Variants in IL1RAPL1 observed in about 807,000 individuals in gnomAD.
IL1RAPL1 encodes the protein interleukin-1 receptor accessory protein-like 1.
A neutral mutation model predicts 48.4 loss-of-function variants in IL1RAPL1; 3 were observed. The observed-to-expected ratio is 0.06, with a 90% confidence interval of 0.03 to 0.16. The LOEUF is 0.16. IL1RAPL1 is among the 10% of genes least tolerant of loss of function. IL1RAPL1 has a pLI of 1.00. For missense variants in IL1RAPL1, 349 were observed against 530.6 expected, an observed-to-expected ratio of 0.66 and a Z score of 3.36; for synonymous variants, 185 against 187.7, an observed-to-expected ratio of 0.99 and a Z score of 0.12.
At chrX:28,932,936 C>G (rs1362119445) in intron 2 of IL1RAPL1, among the ~76,000 whole-genome samples, 1 of 111,299 alleles carries the variant, frequency 9.0e-6, no homozygotes, top group African/African-American at 3.3e-5. Context: ...TCTTACTCTT[C>G]CAATTCTACT....
At chrX:29,894,766 T>C (rs1159795159) in intron 6 of IL1RAPL1, among the ~76,000 whole-genome samples, 2 of 110,101 alleles carry the variant, frequency 1.8e-5, no homozygotes, top group East Asian at 2.8e-4. Flanking sequence ...GGCCTTAAAA[T>C]TGTACACACA....
At chrX:28,600,604 G>C (rs1418357278) in intron 1 of IL1RAPL1, among the ~76,000 whole-genome samples, 7 of 110,798 alleles carry the variant, frequency 6.3e-5, no homozygotes, top group Non-Finnish European at 1.3e-4. Context: ...GGTTGTACAG[G>C]ACCAGGCTAC....
intron 2 of IL1RAPL1, among the ~76,000 whole-genome samples, chrX:29,212,360 G>C (rs1189214896): frequency 1.8e-5 from 2 of 111,315 alleles, no homozygotes; most frequent in African/African-American, 6.5e-5. Context: ...CCAAGCTGGA[G>C]TGCAGTGGCA....
At chrX:29,049,874 C>T (rs1275764585) in intron 2 of IL1RAPL1, among the ~76,000 whole-genome samples, 1 of 112,239 alleles carries the variant, frequency 8.9e-6, no homozygotes, top group Non-Finnish European at 1.9e-5. Flanking sequence ...GTGGTACATT[C>T]GTTAAAACTA....
At chrX:29,368,857 C>T (rs1933505743) in intron 3 of IL1RAPL1, 2 of 111,572 alleles carry the variant, frequency 1.8e-5, no homozygotes, top group Admixed American at 9.7e-5. Context: ...ATGACCACTC[C>T]TTGGAGGTAG....
chrX:29,400,064 T>C (rs1186801809), intron 5 of IL1RAPL1, among the ~76,000 whole-genome samples: 1 of 111,729 alleles, frequency 9.0e-6, no homozygotes, highest in Non-Finnish European at 1.9e-5. Flanking sequence ...CTCATGAACT[T>C]GAAAATAGCA....
intron 1 of IL1RAPL1, among the ~76,000 whole-genome samples, chrX:28,748,233 C>A (rs761967666): frequency 9.0e-6 from 1 of 110,791 alleles, no homozygotes; most frequent in Non-Finnish European, 1.9e-5. Flanking sequence ...TTTTGCTGTC[C>A]GTAAAATCAA....
chrX:28,960,744 C>T (rs908705950), intron 2 of IL1RAPL1, among the ~76,000 whole-genome samples: 17 of 111,194 alleles, frequency 1.5e-4, no homozygotes, highest in Middle Eastern at 4.2e-3. Flanking sequence ...CGCCGTGGCT[C>T]ACGCCTGTAA....
intron 5 of IL1RAPL1, among the ~76,000 whole-genome samples, chrX:29,596,858 G>T (rs1923565700): frequency 1.8e-5 from 2 of 111,727 alleles, no homozygotes; most frequent in African/African-American, 6.5e-5. Context: ...TATTATGTTG[G>T]CTGTAGCTTT....
Position 28,794,196 on chromosome X carries a change from T to C in IL1RAPL1, c.82+4771T>C, listed in dbSNP as rs183461386. Among the ~76,000 whole-genome samples the C allele has an allele frequency of 1.8e-4, 20 of 111,504 alleles. No individual in the cohort carries two copies. In the East Asian group the frequency reaches 3.7e-3, roughly 20 times the overall value. On this transcript the variant is annotated intron_variant, in intron 2 of 10. Coordinates refer to ENST00000378993, the MANE Select transcript of IL1RAPL1 (RefSeq NM_014271.4). Reference sequence around the variant, plus strand: ...GCAATATCTAGGACATAATAAGGGTTTAGATGAAGACAATGAACCTTTACA... The same window carrying C: ...GCAATATCTAGGACATAATAAGGGTCTAGATGAAGACAATGAACCTTTACA...
intron 2 of IL1RAPL1, among the ~76,000 whole-genome samples, chrX:28,860,164 GA>G (rs1488840646): frequency 9.0e-6 from 1 of 111,400 alleles, no homozygotes; most frequent in East Asian, 2.8e-4. Context: ...TTGTAATGCA[GA>G]AAAAAATAAT....
chrX:29,949,551 A>G (rs767016959), intron 9 of IL1RAPL1, among the ~76,000 whole-genome samples: 1 of 112,389 alleles, frequency 8.9e-6, no homozygotes, highest in South Asian at 3.7e-4. Context: ...GAACAGAATT[A>G]TAGTTGATGC....
chrX:29,339,251 A>G (rs1160944724), intron 3 of IL1RAPL1, among the ~76,000 whole-genome samples: 2 of 112,037 alleles, frequency 1.8e-5, no homozygotes, highest in Admixed American at 9.5e-5. Flanking sequence ...CATTTTGGCT[A>G]TTTGCTGTCA....
At chrX:29,797,223 CCT>C (rs1929761961) in intron 6 of IL1RAPL1, among the ~76,000 whole-genome samples, 1 of 112,427 alleles carries the variant, frequency 8.9e-6, no homozygotes, top group Non-Finnish European at 1.9e-5. Flanking sequence ...ACTCTACTTG[CCT>C]TGGCACATGG....
intron 2 of IL1RAPL1, among the ~76,000 whole-genome samples, chrX:28,928,553 C>T (rs1391498335): frequency 8.9e-6 from 1 of 111,927 alleles, no homozygotes; most frequent in Non-Finnish European, 1.9e-5. Flanking sequence ...CAGGCCAACT[C>T]CTACATTAGC....
Position 29,432,306 on chromosome X carries a change from C to T in IL1RAPL1, c.703+32998C>T, listed in dbSNP as rs1000826057. ...TTCTTTCAGTCTCTTGCCAGTTTTA[C>T]ACCCCAGAAATGTCTTTCCCAAAGA... is the stretch of plus-strand genomic sequence containing the variant. On this transcript the variant is annotated intron_variant, in intron 5 of 10. Coordinates refer to ENST00000378993, the MANE Select transcript of IL1RAPL1 (RefSeq NM_014271.4). Among the ~76,000 whole-genome samples the T allele has an allele frequency of 2.7e-5, 3 of 111,557 alleles. No individual in the cohort carries two copies. In the Admixed American group the frequency reaches 2.9e-4, roughly 11 times the overall value.
chrX:29,083,341 A>G (rs755731723), intron 2 of IL1RAPL1, among the ~76,000 whole-genome samples: 40 of 112,036 alleles, frequency 3.6e-4, no homozygotes, highest in Middle Eastern at 4.7e-3. Context: ...TATGATATTA[A>G]AAGGGTCAGC....
At chrX:29,350,680 C>T (rs1228131804) in intron 3 of IL1RAPL1, among the ~76,000 whole-genome samples, 1 of 108,264 alleles carries the variant, frequency 9.2e-6, no homozygotes, top group Non-Finnish European at 1.9e-5. Flanking sequence ...TACATGGCGC[C>T]CTGAGCTGCT....
chrX:29,370,094 T>C (rs1201636800), intron 3 of IL1RAPL1, among the ~76,000 whole-genome samples: 1 of 112,386 alleles, frequency 8.9e-6, no homozygotes, highest in East Asian at 2.8e-4. Flanking sequence ...AAAAATTTTT[T>C]CGTAAATTTC....
Sources: allele counts gnomAD v4.1 joint callset (sites outside exome capture counted in the v4.1 genomes callset), GRCh38; gene constraint gnomAD v4.1.1; transcripts MANE v1.5; gene names NCBI Gene and HGNC (gene_info 2026-07-23, HGNC 2026-07-21).